ZNF569: variants seen among roughly 807,000 people sequenced by gnomAD.
The protein encoded by ZNF569 is DNA-binding protein.
Under a neutral mutation model 56.3 loss-of-function variants are expected in ZNF569, and 38 were observed. The ratio of observed to expected loss-of-function variants is 0.68; its 90% CI spans 0.52 to 0.88. The LOEUF (loss-of-function observed/expected upper bound fraction) is 0.88, where lower values mean the gene tolerates loss of function less well. Ranked by LOEUF, ZNF569 falls within the 40% of genes least tolerant of loss-of-function variation. The probability of loss-of-function intolerance (pLI) is 0.00; values close to 1 mark genes in which losing one functional copy is unlikely to be tolerated. For missense variants in ZNF569, 666 were observed against 809.2 expected (o/e 0.82, Z 2.15); for synonymous variants, 241 against 262.9 (o/e 0.92, Z 0.81).
chr19:37,431,343 C>A (rs1424017740), intron 3 of ZNF569, among the ~76,000 whole-genome samples: 1 of 152,114 alleles, frequency 6.6e-6, no homozygotes, highest in East Asian at 1.9e-4. Flanking sequence ...TTGTCTTGCA[C>A]CTTGGATACC....
chr19:37,426,917 C>A (rs1232226826), intron 3 of ZNF569, among the ~76,000 whole-genome samples: 1 of 152,114 alleles, frequency 6.6e-6, no homozygotes, highest in East Asian at 1.9e-4. Context: ...GGAAAAGGGG[C>A]CACAGATAGA....
intron 5 of ZNF569, among the ~76,000 whole-genome samples, chr19:37,414,694 A>G (rs1049849025): frequency 2.6e-5 from 4 of 152,200 alleles, no homozygotes; most frequent in African/African-American, 9.6e-5. Flanking sequence ...AGGTAAATAA[A>G]TAGGAAATGC....
intron 3 of ZNF569, among the ~76,000 whole-genome samples, chr19:37,444,479 CT>C (rs530467850): frequency 1.1e-3 from 164 of 152,184 alleles, no homozygotes; most frequent in African/African-American, 3.5e-3. Flanking sequence ...TAATGCTGGG[CT>C]ATTTTGATAG....
intron 3 of ZNF569, 108 bp downstream of exon 3, chr19:37,444,797 AAT>A: frequency 2.5e-6 from 2 of 786,198 alleles, no homozygotes; most frequent in East Asian, 3.2e-5. Context: ...TTCCCCTGAA[AAT>A]ATGTTTTATG....
upstream of ZNF569, chr19:37,467,575 G>T: frequency 2.2e-6 from 1 of 451,090 alleles, no homozygotes; most frequent in Non-Finnish European, 4.0e-6. Context: ...GGCTCAGTGT[G>T]TTTAGTTCCG....
At chr19:37,422,307 G>A (rs1356774128) in intron 5 of ZNF569, among the ~76,000 whole-genome samples, 3 of 152,138 alleles carry the variant, frequency 2.0e-5, no homozygotes, top group Admixed American at 1.3e-4. Flanking sequence ...AAAAGGGAGA[G>A]AGACGGGAAT....
intron 5 of ZNF569, among the ~76,000 whole-genome samples, chr19:37,414,709 T>A (rs2040899442): frequency 6.6e-6 from 1 of 151,982 alleles, no homozygotes; most frequent in South Asian, 2.1e-4. Context: ...AAATGCAGAA[T>A]GTACAAATGA....
In ZNF569 at chr19:37,428,816, A is replaced by G. The variant is rs111401050; in HGVS notation, c.16-2438T>C. Among the ~76,000 whole-genome samples, 115 of 152,098 alleles carry G rather than the reference A, an allele frequency of 7.6e-4. 1 individual carries two copies. The highest frequency in any genetic ancestry group is 2.7e-3 in the African/African-American group (112 of 41,494). On this transcript the variant is annotated intron_variant, in intron 3 of 5. Coordinates refer to ENST00000316950, the MANE Select transcript of ZNF569 (RefSeq NM_152484.3). ...CAGTCTCCCAAATAGCTAGAACTAC[A>G]GGCGTGCGCCACCACACCCAGCTAA... is the stretch of plus-strand genomic sequence containing the variant.
intron 2 of ZNF569, among the ~76,000 whole-genome samples, chr19:37,451,821 G>C (rs73631071): frequency 3.3e-5 from 5 of 152,102 alleles, no homozygotes; most frequent in African/African-American, 1.2e-4. Flanking sequence ...TATGTGTGCC[G>C]TTAAGATCTG....
chr19:37,426,428 T>G (rs770021923), intron 3 of ZNF569, 50 bp from the exon 4 acceptor site: 2 of 1,520,104 alleles, frequency 1.3e-6, no homozygotes, highest in Non-Finnish European at 1.8e-6. Flanking sequence ...CTTGGGTGAT[T>G]GTAAACAAAA....
chr19:37,459,640 C>T (rs1399174900), intron 2 of ZNF569, among the ~76,000 whole-genome samples: 1 of 151,948 alleles, frequency 6.6e-6, no homozygotes, highest in Non-Finnish European at 1.5e-5. Context: ...GGAAGAGCAC[C>T]AGAGACAAAA....
intron 5 of ZNF569, among the ~76,000 whole-genome samples, chr19:37,420,661 C>T (rs2041019914): frequency 6.6e-6 from 1 of 152,194 alleles, no homozygotes; most frequent in Non-Finnish European, 1.5e-5. Context: ...ACTTCCTCCA[C>T]TGAAGCCTTG....
At position 37,453,463 on chromosome 19, in the gene ZNF569, G is replaced by T. The variant is rs576772078; in HGVS notation, c.-43-8499C>A. Among the ~76,000 whole-genome samples, 5 of 152,226 alleles carry T rather than the reference G, an allele frequency of 3.3e-5. No individual in the cohort carries two copies. In the East Asian group the frequency reaches 9.7e-4, roughly 29 times the overall value. ...CCCCCCACTCCTTCATTTTGAAGGG[G>T]TATTTTTGCTTGGTGTGAAATCCTG... On this transcript the variant is annotated intron_variant, in intron 2 of 5. Coordinates refer to ENST00000316950, the MANE Select transcript of ZNF569 (RefSeq NM_152484.3).
At chr19:37,461,433 A>G (rs1254839624) in intron 2 of ZNF569, among the ~76,000 whole-genome samples, 1 of 151,846 alleles carries the variant, frequency 6.6e-6, no homozygotes, top group East Asian at 1.9e-4. Flanking sequence ...CAGGCTCCAG[A>G]GTAGCTGGGA....
intron 5 of ZNF569, among the ~76,000 whole-genome samples, chr19:37,424,541 C>T (rs1160370684): frequency 6.6e-6 from 1 of 152,004 alleles, no homozygotes; most frequent in Admixed American, 6.6e-5. Flanking sequence ...AGGCCAGGCG[C>T]GGTGGCTCAC....
intron 5 of ZNF569, among the ~76,000 whole-genome samples, chr19:37,419,969 CTTTTTTTT>C (rs60568702): frequency 4.0e-5 from 4 of 100,628 alleles, no homozygotes; most frequent in African/African-American, 1.6e-4. Flanking sequence ...TCTTTTCTTT[CTTTTTTTT>C]TTTTTTTTTT....
At chr19:37,417,802 C>T (rs1184335663) in intron 5 of ZNF569, among the ~76,000 whole-genome samples, 1 of 152,068 alleles carries the variant, frequency 6.6e-6, no homozygotes, top group Admixed American at 6.6e-5. Context: ...AACATATATC[C>T]TTTTGTACTT....
At chr19:37,428,440 T>G (rs2041171236) in intron 3 of ZNF569, among the ~76,000 whole-genome samples, 1 of 150,422 alleles carries the variant, frequency 6.6e-6, no homozygotes, top group African/African-American at 2.4e-5. Flanking sequence ...GAAGACTGCT[T>G]AAGCCTGGGA....
Position 37,459,823 on chromosome 19 carries a change from C to T in ZNF569, c.-44+5490G>A, listed in dbSNP as rs80299593. ...CATAACAACGGAGAAGAAGGGGGAA[C>T]TGGGAATACTGTTGTAAAGTTCCTG... is the stretch of plus-strand genomic sequence containing the variant. On this transcript the variant is annotated intron_variant, in intron 2 of 5. Transcript: ENST00000316950. 2.1e-3 allele frequency among the ~76,000 whole-genome samples: 320 copies of T among 152,162 alleles called. 1 individual carries two copies. The highest frequency in any genetic ancestry group is 7.4e-3 in the African/African-American group (307 of 41,522).
Sources: allele counts gnomAD v4.1 joint callset (sites outside exome capture counted in the v4.1 genomes callset), GRCh38; gene constraint gnomAD v4.1.1; transcripts MANE v1.5; gene names NCBI Gene and HGNC (gene_info 2026-07-23, HGNC 2026-07-21).